Variants in NDUFA12 observed in about 807,000 individuals in gnomAD.
The protein encoded by NDUFA12 is NADH:ubiquinone oxidoreductase subunit A12.
Under a neutral mutation model 20.3 loss-of-function variants are expected in NDUFA12, and 17 were observed. The observed-to-expected ratio is 0.84, with a 90% CI of 0.57 to 1.26. The LOEUF (loss-of-function observed/expected upper bound fraction) is 1.26. Among genes scored for constraint, NDUFA12 ranks in the 50% most tolerant of loss-of-function variants. The pLI is 0.00. For synonymous variants in NDUFA12, 72 were observed against 63.6 expected (o/e 1.13, Z -0.63); for missense variants, 191 against 183.7 (o/e 1.04, Z -0.23).
intron 3 of NDUFA12, among the ~76,000 whole-genome samples, chr12:94,977,301 TTC>T (rs1019474834): frequency 2.6e-5 from 4 of 152,090 alleles, no homozygotes; most frequent in African/African-American, 9.7e-5. Flanking sequence ...GTTTGACACC[TTC>T]TCTCTCAAAA....
intron 3 of NDUFA12, among the ~76,000 whole-genome samples, chr12:94,984,526 G>A (rs535301420): frequency 3.3e-5 from 5 of 150,758 alleles, no homozygotes; most frequent in African/African-American, 1.2e-4. Context: ...GTGAAACTCC[G>A]TCTCCAAAGA....
chr12:94,997,924 G>A (rs570045148), intron 2 of NDUFA12, among the ~76,000 whole-genome samples: 1 of 152,268 alleles, frequency 6.6e-6, no homozygotes, highest in East Asian at 1.9e-4. Flanking sequence ...GGGGACATTT[G>A]GCAATGTCTG....
intron 3 of NDUFA12, among the ~76,000 whole-genome samples, chr12:94,982,559 C>T (rs1874278917): frequency 1.3e-5 from 2 of 152,136 alleles, no homozygotes; most frequent in Admixed American, 6.6e-5. Context: ...TGAGCCACCA[C>T]GCCCGGCCCA....
intron 3 of NDUFA12, among the ~76,000 whole-genome samples, chr12:94,986,545 A>C (rs1311993749): frequency 6.6e-6 from 1 of 152,212 alleles, no homozygotes; most frequent in African/African-American, 2.4e-5. Flanking sequence ...TCAAAACATC[A>C]TATTGTACCC....
chr12:94,983,486 C>G lies in NDUFA12; in HGVS notation c.257+10684G>C, dbSNP rs574920060. Among the ~76,000 whole-genome samples the G allele has an allele frequency of 2.0e-5, 3 of 152,312 alleles. No individual in the cohort carries two copies. The South Asian group carries it at 6.2e-4, about 32-fold the overall frequency. On this transcript the variant is annotated intron_variant, in intron 3 of 3. Transcript: ENST00000327772. ...AAGCAAATCTTCTGAGGTCTGTCTA[C>G]AGCCACATGAGTAAGTGTGGCAGTG...
intron 2 of NDUFA12, among the ~76,000 whole-genome samples, chr12:95,001,939 G>C (rs193247318): frequency 1.3e-4 from 20 of 151,784 alleles, no homozygotes; most frequent in African/African-American, 4.8e-4. Context: ...TCCTGACCTC[G>C]TGATCCGCCC....
intron 2 of NDUFA12, among the ~76,000 whole-genome samples, chr12:95,000,029 T>C (rs1345563253): frequency 6.6e-6 from 1 of 152,196 alleles, no homozygotes; most frequent in Non-Finnish European, 1.5e-5. Flanking sequence ...TGCATACACA[T>C]GTTTATAGCA....
rs1341596322 is a variant in NDUFA12 at position 94,994,158 on chromosome 12, G to C, written c.257+12C>G. On this transcript the variant is annotated intron_variant, in intron 3 of 3. Coordinates refer to ENST00000327772, the MANE Select transcript of NDUFA12 (RefSeq NM_018838.5). The stretch of plus-strand genomic sequence containing the variant: ...AAAAAAGAAAGACAAATAAAATGTT[G>C]TCTTAGCTTACCATTCAGGAGGCAC... The C allele has an allele frequency of 6.2e-7, 1 of 1,611,054 alleles. No individual in the cohort carries two copies. Among genetic ancestry groups the C allele is most frequent in the Non-Finnish European group, 8.5e-7 (1 of 1,177,580 alleles).
intron 2 of NDUFA12, among the ~76,000 whole-genome samples, chr12:94,996,573 A>G (rs1045699607): frequency 2.0e-5 from 3 of 151,986 alleles, no homozygotes; most frequent in Non-Finnish European, 4.4e-5. Context: ...TAATCCCAGC[A>G]CTTTGGGAGG....
intron 3 of NDUFA12, among the ~76,000 whole-genome samples, chr12:94,983,588 C>G (rs1023899453): frequency 3.9e-5 from 6 of 152,094 alleles, no homozygotes; most frequent in African/African-American, 1.4e-4. Flanking sequence ...AGACCCTGAG[C>G]CTGGGGCACC....
rs10654978 is a variant in NDUFA12, at chr12:94,996,819, C to CAAA, written c.170-2565_170-2563dup. On this transcript the variant is annotated intron_variant, in intron 2 of 3. Coordinates refer to ENST00000327772, the MANE Select transcript of NDUFA12 (RefSeq NM_018838.5). ...GGGCAACAAGAGCAAAACTCTGTCT[C>CAAA]AAAAAAAAAAAAAAAATTAAAGAAA... 1,034 of 153,262 alleles carry CAAA rather than the reference C, an allele frequency of 6.7e-3. 2 individuals carry two copies. Among genetic ancestry groups the CAAA allele is most frequent in the South Asian group, 0.022 (197 of 8,942 alleles). 9.5% of individuals were successfully genotyped at this position (153,262 alleles called of 1,614,324 possible). A position where few individuals can be genotyped will look rare whatever the true frequency, so the allele number is the denominator to read the frequency against.
chr12:94,997,561 T>C (rs1423836284), intron 2 of NDUFA12: 4 of 152,256 alleles, frequency 2.6e-5, no homozygotes, highest in South Asian at 2.1e-4. Flanking sequence ...AAGTAACAAA[T>C]GCACATGGGA....
chr12:94,992,982 C>CT (rs1420275648), intron 3 of NDUFA12, among the ~76,000 whole-genome samples: 1 of 152,178 alleles, frequency 6.6e-6, no homozygotes, highest in Non-Finnish European at 1.5e-5. Flanking sequence ...AGGACAGATA[C>CT]TTTCAGAAGA....
At chr12:94,972,460 T>C (rs772794843) in intron 3 of NDUFA12, 1 of 454,842 alleles carries the variant, frequency 2.2e-6, no homozygotes, top group Non-Finnish European at 4.4e-6. Flanking sequence ...CTCTGGCTCA[T>C]GAAGGTTTAG....
intron 2 of NDUFA12, 122 bp downstream of exon 2, chr12:95,002,616 TC>T: frequency 1.3e-6 from 1 of 753,274 alleles, no homozygotes; most frequent in Non-Finnish European, 2.3e-6. Context: ...TTTTTCATTT[TC>T]TATTGAGTTT....
intron 2 of NDUFA12, among the ~76,000 whole-genome samples, chr12:95,002,044 G>A (rs1875058139): frequency 6.6e-6 from 1 of 151,968 alleles, no homozygotes; most frequent in Non-Finnish European, 1.5e-5. Context: ...CAAAGGATAT[G>A]TGCAATGTAA....
chr12:94,980,393 C>T lies in NDUFA12; in HGVS notation c.258-8773G>A, dbSNP rs78212920. Among the ~76,000 whole-genome samples, 693 of 152,220 alleles carry T rather than the reference C, an allele frequency of 4.6e-3. 7 individuals are homozygous for T. The highest frequency in any genetic ancestry group is 0.044 in the Middle Eastern group (13 of 294). ...TGAATCATCCTTGATTCTTCTCTAT[C>T]GCCTCCATGTAATGGCCCTCACCTG... On this transcript the variant is annotated intron_variant, in intron 3 of 3. Coordinates refer to ENST00000327772, the MANE Select transcript of NDUFA12 (RefSeq NM_018838.5).
intron 2 of NDUFA12, among the ~76,000 whole-genome samples, chr12:95,000,765 T>C (rs1476309311): frequency 6.6e-6 from 1 of 152,238 alleles, no homozygotes; most frequent in African/African-American, 2.4e-5. Flanking sequence ...ATTTTCTCCT[T>C]TTAAGGATAC....
intron 2 of NDUFA12, among the ~76,000 whole-genome samples, chr12:94,999,381 C>A (rs1422781641): frequency 6.6e-6 from 1 of 152,160 alleles, no homozygotes; most frequent in Non-Finnish European, 1.5e-5. Flanking sequence ...CATAAAAATT[C>A]TAGAACATCA....
Sources: gnomAD v4.1 joint callset for allele counts (sites outside exome capture counted in the v4.1 genomes callset) on GRCh38, gnomAD v4.1.1 for gene constraint, MANE v1.5 for transcripts, NCBI Gene and HGNC (gene_info 2026-07-23, HGNC 2026-07-21) for gene names.